The following JMJD1C variants were observed in gnomAD, a reference collection of about 807,000 sequenced individuals.
JMJD1C encodes the protein jumonji domain-containing protein 1C.
JMJD1C carries 31 observed loss-of-function variants against 245.3 expected under a neutral mutation model. The observed-to-expected ratio is 0.13, with a 90% CI of 0.09 to 0.17. The LOEUF (loss-of-function observed/expected upper bound fraction) is 0.17. Among genes scored for constraint, JMJD1C ranks in the 10% least tolerant of loss-of-function variants. The pLI is 1.00. For synonymous variants in JMJD1C, 1,057 were observed against 1,017.4 expected (o/e 1.04, Z -0.74); for missense variants, 2,691 against 3,000.2 (o/e 0.90, Z 2.41).
chr10:63,199,873 C>A (rs1436893103), intron 11 of JMJD1C, among the ~76,000 whole-genome samples: 2 of 152,136 alleles, frequency 1.3e-5, no homozygotes, highest in Non-Finnish European at 2.9e-5. Flanking sequence ...ATTTCATATG[C>A]GCATGGGACT....
intron 1 of JMJD1C, among the ~76,000 whole-genome samples, chr10:63,416,285 C>T (rs996819780): frequency 1.3e-5 from 2 of 150,518 alleles, no homozygotes; most frequent in Admixed American, 6.6e-5. Flanking sequence ...ACTACATAGC[C>T]GAAGACATTT....
intron 1 of JMJD1C, among the ~76,000 whole-genome samples, chr10:63,460,780 A>G (rs1363490451): frequency 6.6e-6 from 1 of 152,194 alleles, no homozygotes; most frequent in Non-Finnish European, 1.5e-5. Flanking sequence ...AATTACATTG[A>G]AATATCTAGT....
Position 63,349,092 on chromosome 10 carries a change from C to T in JMJD1C, c.333+31226G>A, listed in dbSNP as rs201313597. On this transcript the variant is annotated intron_variant, in intron 2 of 25. Transcript: ENST00000399262. ...CTTCAGCCTGGGTGACAGAGTGAGA[C>T]TCTGTCTCAAAAAAAAAAAAAAAAA... Among the ~76,000 whole-genome samples, 10 of 87,640 alleles carry T rather than the reference C, an allele frequency of 1.1e-4. No individual in the cohort carries two copies. In the East Asian group the frequency reaches 2.7e-3, roughly 24 times the overall value. The allele number at this position is 87,640 out of a possible 152,430, so 57.5% of individuals were successfully genotyped here. A position where few individuals can be genotyped will look rare whatever the true frequency, so the allele number is the denominator to read the frequency against.
At chr10:63,395,638 C>A (rs1027949313) in intron 1 of JMJD1C, among the ~76,000 whole-genome samples, 1 of 152,070 alleles carries the variant, frequency 6.6e-6, no homozygotes, top group East Asian at 1.9e-4. Flanking sequence ...TATATTTACA[C>A]AAAAACCTGT....
chr10:63,219,531 A>G (rs903161573), intron 4 of JMJD1C, among the ~76,000 whole-genome samples: 1 of 152,240 alleles, frequency 6.6e-6, no homozygotes, highest in Non-Finnish European at 1.5e-5. Context: ...CATTCTTCAA[A>G]GGAAATCAAT....
At chr10:63,385,208 A>G (rs1320521238) in intron 1 of JMJD1C, among the ~76,000 whole-genome samples, 4 of 152,058 alleles carry the variant, frequency 2.6e-5, no homozygotes, top group African/African-American at 9.7e-5. Context: ...CTGGTGCCCA[A>G]AACAATTACA....
chr10:63,284,323 G>A (rs1436380343), intron 2 of JMJD1C, among the ~76,000 whole-genome samples: 1 of 152,150 alleles, frequency 6.6e-6, no homozygotes, highest in Non-Finnish European at 1.5e-5. Flanking sequence ...ACCCACACCT[G>A]ACCTGGAGTT....
intron 1 of JMJD1C, among the ~76,000 whole-genome samples, chr10:63,487,068 A>G (rs1954023305): frequency 6.6e-6 from 1 of 152,174 alleles, no homozygotes; most frequent in Admixed American, 6.5e-5. Context: ...AATAGCTTCT[A>G]TTTTACTTTC....
intron 1 of JMJD1C, among the ~76,000 whole-genome samples, chr10:63,426,056 T>C (rs1444570027): frequency 6.6e-6 from 1 of 152,166 alleles, no homozygotes; most frequent in Non-Finnish European, 1.5e-5. Flanking sequence ...TTCGGTAAGA[T>C]GTAAAAGGAT....
intron 2 of JMJD1C, chr10:63,269,226 CT>C: frequency 1.0e-6 from 1 of 985,340 alleles, no homozygotes; most frequent in Non-Finnish European, 1.2e-6. Context: ...AGAACGAGTA[CT>C]TGGCTTAGGG....
At chr10:63,337,763 C>A (rs1589519155) in intron 2 of JMJD1C, among the ~76,000 whole-genome samples, 1 of 152,032 alleles carries the variant, frequency 6.6e-6, no homozygotes, top group African/African-American at 2.4e-5. Flanking sequence ...AGCTGATGAG[C>A]CAGAAGATGT....
At chr10:63,481,430 ATTTTT>A (rs936701042) in intron 1 of JMJD1C, among the ~76,000 whole-genome samples, 1 of 148,004 alleles carries the variant, frequency 6.8e-6, no homozygotes, top group African/African-American at 2.5e-5. Flanking sequence ...TGAAAAACTG[ATTTTT>A]TTTTTTGCTT....
At chr10:63,217,115 A>T in intron 5 of JMJD1C, 92 bp downstream of exon 5, 1 of 1,161,042 alleles carries the variant, frequency 8.6e-7, no homozygotes, top group East Asian at 2.4e-5. Flanking sequence ...AGAGATAAAA[A>T]TTATTTAGTA....
intron 2 of JMJD1C, among the ~76,000 whole-genome samples, chr10:63,335,988 G>A (rs1187124754): frequency 6.6e-6 from 1 of 151,720 alleles, no homozygotes; most frequent in Non-Finnish European, 1.5e-5. Flanking sequence ...AGGCGAGGTA[G>A]CTTGTGCCTG....
At chr10:63,302,744 C>CT (rs1860253171) in intron 2 of JMJD1C, among the ~76,000 whole-genome samples, 4 of 152,146 alleles carry the variant, frequency 2.6e-5, no homozygotes, top group Admixed American at 2.0e-4. Context: ...ACAAGCTGGA[C>CT]TTAGTAATGA....
At chr10:63,285,302 TG>T (rs1379343201) in intron 2 of JMJD1C, among the ~76,000 whole-genome samples, 1 of 152,154 alleles carries the variant, frequency 6.6e-6, no homozygotes, top group African/African-American at 2.4e-5. Flanking sequence ...GAACCTCTTT[TG>T]GAAGTGAGGG....
chr10:63,361,635 A>G (rs1306619539), intron 2 of JMJD1C, among the ~76,000 whole-genome samples: 1 of 151,314 alleles, frequency 6.6e-6, no homozygotes, highest in African/African-American at 2.4e-5. Flanking sequence ...GGACTCAGTA[A>G]GAATAACCTA....
upstream of JMJD1C, among the ~76,000 whole-genome samples, chr10:63,468,353 TTTTG>T (rs1302568257): frequency 5.9e-5 from 9 of 151,924 alleles, no homozygotes; most frequent in Admixed American, 2.0e-4. Flanking sequence ...CTTAAAGATT[TTTTG>T]TTTGTTTGCT....
At chr10:63,378,667 T>C (rs1946972497) in intron 2 of JMJD1C, among the ~76,000 whole-genome samples, 1 of 152,228 alleles carries the variant, frequency 6.6e-6, no homozygotes, top group South Asian at 2.1e-4. Context: ...TAGTTTTTCA[T>C]ATTATTGATG....
Sources: gnomAD v4.1 joint callset for allele counts (sites outside exome capture counted in the v4.1 genomes callset) on GRCh38, gnomAD v4.1.1 for gene constraint, MANE v1.5 for transcripts, NCBI Gene and HGNC (gene_info 2026-07-23, HGNC 2026-07-21) for gene names.